Variants in NLGN1 observed in about 807,000 individuals in gnomAD.
NLGN1 encodes the protein neuroligin 1.
NLGN1 carries 12 observed loss-of-function variants against 65.5 expected under a neutral mutation model. The observed-to-expected ratio is 0.18, with a 90% confidence interval of 0.12 to 0.30. The LOEUF is 0.30. Ranked by LOEUF, NLGN1 falls within the 10% of genes least tolerant of loss-of-function variation. The pLI is 1.00. For missense variants in NLGN1, 750 were observed against 1,007.1 expected (o/e 0.74, Z 3.46); for synonymous variants, 350 against 359.5 (o/e 0.97, Z 0.30).
chr3:173,695,565 A>T (rs1170756576), intron 3 of NLGN1: 3 of 356,696 alleles, frequency 8.4e-6, no homozygotes, highest in Non-Finnish European at 1.6e-5. Flanking sequence ...TGCCTCTTAC[A>T]CTATACTAGC....
At chr3:173,699,853 A>T (rs1188138071) in intron 3 of NLGN1, among the ~76,000 whole-genome samples, 1 of 152,212 alleles carries the variant, frequency 6.6e-6, no homozygotes, top group Non-Finnish European at 1.5e-5. Context: ...CAGTGGGGAG[A>T]AAATTGCCCA....
At chr3:173,872,050 C>A (rs1731270121) in intron 4 of NLGN1, among the ~76,000 whole-genome samples, 1 of 151,898 alleles carries the variant, frequency 6.6e-6, no homozygotes, top group Non-Finnish European at 1.5e-5. Context: ...GGAGTCAGGG[C>A]TAGCTGCAGT....
chr3:173,539,640 A>AGAATATATGTATATATG (rs1553879342), intron 2 of NLGN1, among the ~76,000 whole-genome samples: 1 of 111,812 alleles, frequency 8.9e-6, no homozygotes. Context: ...ATACACATAT[A>AGAATATATGTATATATG]TACATATATA....
chr3:174,038,135 C>T (rs1264403344), intron 4 of NLGN1, among the ~76,000 whole-genome samples: 1 of 152,076 alleles, frequency 6.6e-6, no homozygotes, highest in Non-Finnish European at 1.5e-5. Flanking sequence ...ATGTGGCAGT[C>T]GCTGTGAATC....
chr3:173,679,363 T>C (rs955096985), intron 3 of NLGN1, among the ~76,000 whole-genome samples: 2 of 152,008 alleles, frequency 1.3e-5, no homozygotes, highest in African/African-American at 4.8e-5. Context: ...GGAGCTGAAA[T>C]AGCGTAAAGA....
chr3:173,825,137 A>G (rs1721089333), intron 4 of NLGN1, among the ~76,000 whole-genome samples: 2 of 152,088 alleles, frequency 1.3e-5, no homozygotes, highest in Non-Finnish European at 2.9e-5. Flanking sequence ...TATTTTAAAA[A>G]TATTTCTTAT....
At chr3:173,945,863 G>C (rs932496470) in intron 4 of NLGN1, among the ~76,000 whole-genome samples, 2 of 152,148 alleles carry the variant, frequency 1.3e-5, no homozygotes, top group Non-Finnish European at 2.9e-5. Context: ...TGTAAAGAAA[G>C]GACAAGGATG....
At chr3:174,044,454 A>G (rs1701231021) in intron 4 of NLGN1, among the ~76,000 whole-genome samples, 1 of 152,038 alleles carries the variant, frequency 6.6e-6, no homozygotes, top group Non-Finnish European at 1.5e-5. Flanking sequence ...GGTACCCTAA[A>G]TCATCCCTCT....
chr3:173,724,162 G>A (rs1204188405), intron 3 of NLGN1, among the ~76,000 whole-genome samples: 1 of 152,200 alleles, frequency 6.6e-6, no homozygotes, highest in African/African-American at 2.4e-5. Flanking sequence ...GTTCACAGAA[G>A]TAGAATCTGG....
chr3:174,279,363 G>A lies in NLGN1; in HGVS notation c.1362G>A (p.Lys454=), dbSNP rs7646919. ...GTCATAACCCTGAAACCAGAAGAAAGACATTACTGGCTTTGTTTACGGACC... is the reference window on the plus strand; with the variant it reads ...GTCATAACCCTGAAACCAGAAGAAAAACATTACTGGCTTTGTTTACGGACC... The change falls in exon 6 of 7, where the codon AAG becomes AAA. Residue 454 remains lysine (K), a synonymous_variant. Transcript: ENST00000457714. The surrounding 1 kb of genome is among the most constrained non-coding windows in gnomAD (Gnocchi z 4.7). 0.2 allele frequency: 316,217 copies of A among 1,613,100 alleles called. 32,025 individuals carry two copies. Among genetic ancestry groups the A allele is most frequent in the Middle Eastern group, 0.25 (1,531 of 6,054 alleles).
intron 3 of NLGN1, among the ~76,000 whole-genome samples, chr3:173,654,371 A>G (rs559394266): frequency 1.3e-5 from 2 of 152,272 alleles, no homozygotes; most frequent in East Asian, 1.9e-4. Context: ...CCTGAATAGC[A>G]TAACATTATA....
intron 4 of NLGN1, among the ~76,000 whole-genome samples, chr3:174,203,671 T>C (rs1229088532): frequency 3.9e-5 from 6 of 152,176 alleles, no homozygotes; most frequent in East Asian, 3.9e-4. Flanking sequence ...ATCACCAACA[T>C]AGGATGCCAT....
At chr3:173,923,852 A>G (rs1016024743) in intron 4 of NLGN1, among the ~76,000 whole-genome samples, 12 of 152,190 alleles carry the variant, frequency 7.9e-5, no homozygotes, top group Non-Finnish European at 1.2e-4. Flanking sequence ...GATCATTAAC[A>G]GTAATTTTTA....
At chr3:173,516,251 C>T (rs1733794213) in intron 2 of NLGN1, among the ~76,000 whole-genome samples, 2 of 151,990 alleles carry the variant, frequency 1.3e-5, no homozygotes, top group Non-Finnish European at 2.9e-5. Context: ...TTCTAACTTA[C>T]TATTATGTAT....
chr3:173,759,006 A>G (rs993577998), intron 3 of NLGN1, among the ~76,000 whole-genome samples: 1 of 151,882 alleles, frequency 6.6e-6, no homozygotes, highest in Non-Finnish European at 1.5e-5. Context: ...GCACTTAGGT[A>G]CTTGCATGAC....
intron 2 of NLGN1, among the ~76,000 whole-genome samples, chr3:173,475,024 A>G (rs1725961533): frequency 6.6e-6 from 1 of 152,208 alleles, no homozygotes; most frequent in South Asian, 2.1e-4. Flanking sequence ...TTCTGATACT[A>G]TGAAATTTTA....
At chr3:173,789,207 AG>A (rs1441052932) in intron 3 of NLGN1, among the ~76,000 whole-genome samples, 2 of 151,736 alleles carry the variant, frequency 1.3e-5, no homozygotes, top group Non-Finnish European at 2.9e-5. Context: ...CAAAAAAAAA[AG>A]AAAGAGAGAG....
chr3:173,887,567 G>T (rs1734582273), intron 4 of NLGN1, among the ~76,000 whole-genome samples: 1 of 151,860 alleles, frequency 6.6e-6, no homozygotes, highest in Admixed American at 6.6e-5. Context: ...TTCCTAAAGG[G>T]ACACAGCTAA....
intron 2 of NLGN1, among the ~76,000 whole-genome samples, chr3:173,580,869 T>C (rs1403659984): frequency 6.6e-6 from 1 of 151,714 alleles, no homozygotes; most frequent in African/African-American, 2.4e-5. Flanking sequence ...AAATAAATCA[T>C]CAATAGGAAA....
Sources: allele counts gnomAD v4.1 joint callset (sites outside exome capture counted in the v4.1 genomes callset), GRCh38; gene constraint gnomAD v4.1.1; non-coding constraint Gnocchi (gnomAD v3.1); transcripts MANE v1.5; gene names NCBI Gene and HGNC (gene_info 2026-07-23, HGNC 2026-07-21).